TENM3: variants seen among roughly 807,000 people sequenced by gnomAD.
The protein encoded by TENM3 is teneurin-3.
In TENM3, 63 loss-of-function variants were observed where a neutral mutation model predicts 255.1. That is an observed-to-expected ratio of 0.25 (90% confidence interval 0.20 to 0.30). The LOEUF (loss-of-function observed/expected upper bound fraction) is 0.30, where lower values mean the gene tolerates loss of function less well. TENM3 is among the 10% of genes least tolerant of loss of function. TENM3 has a pLI of 1.00. For synonymous variants in TENM3, 1,306 were observed against 1,322.3 expected (o/e 0.99, Z 0.27); for missense variants, 2,929 against 3,461.1 (o/e 0.85, Z 3.86).
chr4:181,598,184 T>C, the TENM3 span, among the ~76,000 whole-genome samples: 1 of 152,344 alleles, frequency 6.6e-6, no homozygotes, highest in Admixed American at 6.5e-5. Flanking sequence ...CTTTTTCTTC[T>C]ACATTTCTCT....
chr4:182,706,562 A>C (rs1265141706), intron 12 of TENM3, among the ~76,000 whole-genome samples: 1 of 152,132 alleles, frequency 6.6e-6, no homozygotes, highest in African/African-American at 2.4e-5. Context: ...TACTTATAGA[A>C]TTTCTTCAAA....
At chr4:182,563,264 CTACAAAAA>C (rs2151980559) in intron 3 of TENM3, among the ~76,000 whole-genome samples, 1 of 152,102 alleles carries the variant, frequency 6.6e-6, no homozygotes, top group East Asian at 1.9e-4. Flanking sequence ...AATGCCGTCT[CTACAAAAA>C]TACAAAAATT....
intron 3 of TENM3, among the ~76,000 whole-genome samples, chr4:182,554,093 T>C (rs1742347134): frequency 6.6e-6 from 1 of 152,198 alleles, no homozygotes; most frequent in African/African-American, 2.4e-5. Context: ...AATTTATTCC[T>C]TAGCTAAAAA....
At chr4:181,665,843 A>T in the TENM3 span, among the ~76,000 whole-genome samples, 1 of 152,090 alleles carries the variant, frequency 6.6e-6, no homozygotes, top group Non-Finnish European at 1.5e-5. Context: ...GAAAATTTTT[A>T]TTAAATTTCG....
At chr4:181,782,311 C>G in the TENM3 span, among the ~76,000 whole-genome samples, 1 of 152,144 alleles carries the variant, frequency 6.6e-6, no homozygotes, top group African/African-American at 2.4e-5. Context: ...TGTTATTGGT[C>G]TATTCAGGGA....
intron 2 of TENM3, among the ~76,000 whole-genome samples, chr4:182,324,640 A>G (rs1396622381): frequency 2.0e-5 from 3 of 152,204 alleles, no homozygotes; most frequent in Non-Finnish European, 4.4e-5. Context: ...CAAGGAGAAC[A>G]GGAGCTGTTG....
chr4:182,066,387 T>C, the TENM3 span, among the ~76,000 whole-genome samples: 4 of 152,194 alleles, frequency 2.6e-5, no homozygotes, highest in African/African-American at 9.6e-5. Context: ...AAATACTAAC[T>C]AGTGATAATG....
chr4:182,750,438 C>T (rs1049737774), intron 19 of TENM3, among the ~76,000 whole-genome samples: 1 of 152,280 alleles, frequency 6.6e-6, no homozygotes, highest in Admixed American at 6.5e-5. Flanking sequence ...GTGTGATCTG[C>T]TGGCCTCCTC....
At chr4:182,386,561 G>A (rs963231957) in intron 3 of TENM3, among the ~76,000 whole-genome samples, 1 of 152,204 alleles carries the variant, frequency 6.6e-6, no homozygotes, top group Non-Finnish European at 1.5e-5. Flanking sequence ...AGGTGTGGAG[G>A]GAGAGGCGCG....
At chr4:181,801,651 AATATATATATATATATATATATATATAT>A in the TENM3 span, among the ~76,000 whole-genome samples, 217 of 80,958 alleles carry the variant, frequency 2.7e-3, no homozygotes, top group Admixed American at 6.4e-3. Context: ...AGAATTGTAA[AATATATATATATATATATATATATATAT>A]ATATATATAT....
chr4:181,778,787 G>T, the TENM3 span, among the ~76,000 whole-genome samples: 1 of 152,158 alleles, frequency 6.6e-6, no homozygotes, highest in Non-Finnish European at 1.5e-5. Flanking sequence ...TACCTTTGCT[G>T]CTGGAACCTT....
At chr4:182,291,169 T>C (rs1761099193) in intron 1 of TENM3, among the ~76,000 whole-genome samples, 1 of 152,112 alleles carries the variant, frequency 6.6e-6, no homozygotes, top group African/African-American at 2.4e-5. Flanking sequence ...GTAAGTGATA[T>C]GAAGCAAGTG....
At chr4:182,628,095 C>T (rs1340433337) in intron 4 of TENM3, among the ~76,000 whole-genome samples, 1 of 152,122 alleles carries the variant, frequency 6.6e-6, no homozygotes, top group East Asian at 1.9e-4. Context: ...CTGCCTGTAA[C>T]CGAACTTGTT....
rs1188425165 is a variant in TENM3 at position 182,719,767 on chromosome 4, G to A, written c.2368+5534G>A. 4.3e-4 allele frequency among the ~76,000 whole-genome samples: 65 copies of A among 152,098 alleles called. 1 individual carries two copies. Among genetic ancestry groups the A allele is most frequent in the Non-Finnish European group, 4.4e-5 (3 of 67,964 alleles). ...AGCAAAAGAAGCAGAAATACAATTCGAACTGCAAGAAAGCTGGGTGCAGTG... is the reference window on the plus strand; with the variant it reads ...AGCAAAAGAAGCAGAAATACAATTCAAACTGCAAGAAAGCTGGGTGCAGTG... On this transcript the variant is annotated intron_variant, in intron 13 of 27. Transcript: ENST00000511685.
At chr4:182,041,535 T>C in the TENM3 span, among the ~76,000 whole-genome samples, 2 of 152,226 alleles carry the variant, frequency 1.3e-5, no homozygotes, top group Non-Finnish European at 2.9e-5. Context: ...ATAACTGTAA[T>C]AAATCAATAC....
chr4:181,934,287 T>C, the TENM3 span, among the ~76,000 whole-genome samples: 2 of 152,188 alleles, frequency 1.3e-5, no homozygotes, highest in African/African-American at 4.8e-5. Flanking sequence ...TGATTTTCCA[T>C]GGCTTTTTAA....
chr4:181,767,217 G>A, the TENM3 span, among the ~76,000 whole-genome samples: 341 of 138,370 alleles, frequency 2.5e-3, 2 homozygotes, highest in East Asian at 6.1e-3. Flanking sequence ...GTGCCACTGC[G>A]CTCCAGCCTG....
the TENM3 span, among the ~76,000 whole-genome samples, chr4:182,088,812 C>T: frequency 8.8e-5 from 13 of 147,436 alleles, no homozygotes; most frequent in African/African-American, 2.3e-4. Flanking sequence ...CCAGCCTGGG[C>T]GACAGAGCGA....
At chr4:181,883,654 T>C in the TENM3 span, among the ~76,000 whole-genome samples, 1 of 152,104 alleles carries the variant, frequency 6.6e-6, no homozygotes, top group Non-Finnish European at 1.5e-5. Flanking sequence ...TTTTGTATTT[T>C]TAGTAGAGAC....
Sources: gnomAD v4.1 joint callset for allele counts (sites outside exome capture counted in the v4.1 genomes callset) on GRCh38, gnomAD v4.1.1 for gene constraint, MANE v1.5 for transcripts, NCBI Gene and HGNC (gene_info 2026-07-23, HGNC 2026-07-21) for gene names.